The following GLIS1 variants were observed in gnomAD, a reference collection of about 807,000 sequenced individuals.
The protein encoded by GLIS1 is GLIS family zinc finger 1.
In GLIS1, 24 loss-of-function variants were observed where a neutral mutation model predicts 63.8. The ratio of observed to expected loss-of-function variants is 0.38; its 90% CI spans 0.27 to 0.53. The LOEUF is 0.53. GLIS1 is among the 20% of genes least tolerant of loss of function. GLIS1 has a pLI of 0.85. For synonymous variants in GLIS1, 450 were observed against 482.5 expected, an observed-to-expected ratio of 0.93 and a Z score of 0.88; for missense variants, 1,036 against 1,074.1, an observed-to-expected ratio of 0.96 and a Z score of 0.50.
intron 2 of GLIS1, among the ~76,000 whole-genome samples, chr1:53,609,763 T>A (rs1449798045): frequency 3.3e-5 from 5 of 152,214 alleles, no homozygotes; most frequent in Non-Finnish European, 7.4e-5. Context: ...ATTAGATGAT[T>A]TCATTGCTGT....
intron 4 of GLIS1, among the ~76,000 whole-genome samples, chr1:53,568,810 C>G (rs566027286): frequency 6.6e-6 from 1 of 152,204 alleles, no homozygotes; most frequent in South Asian, 2.1e-4. Context: ...CTCCCAGTCA[C>G]GCTTCCTGTT....
intron 4 of GLIS1, 86 bp downstream of exon 4, chr1:53,594,022 C>T (rs879484510): frequency 5.5e-6 from 8 of 1,442,936 alleles, no homozygotes; most frequent in Non-Finnish European, 7.4e-6. Flanking sequence ...AGGACGGAGT[C>T]CCAGGCGGCC....
At position 53,511,865 on chromosome 1, in the gene GLIS1, C is replaced by A. The variant is rs1021883732; in HGVS notation, c.1884-1838G>T. On this transcript the variant is annotated intron_variant, in intron 8 of 10. Coordinates refer to ENST00000628545, the MANE Select transcript of GLIS1 (RefSeq NM_001367484.1). The surrounding 1 kb of genome is among the most constrained non-coding windows in gnomAD (Gnocchi z 4.2). ...CCCCATCCCATCTGGGCACCCACAA[C>A]CCAGCCCTCCCCTGGTTTCCTGAAG... 7.2e-5 allele frequency among the ~76,000 whole-genome samples: 11 copies of A among 152,196 alleles called. No individual in the cohort carries two copies. The highest frequency in any genetic ancestry group is 2.7e-4 in the African/African-American group (11 of 41,458).
intron 2 of GLIS1, among the ~76,000 whole-genome samples, chr1:53,609,296 T>TTTTTAC (rs1645402714): frequency 8.3e-6 from 1 of 120,122 alleles, no homozygotes. Flanking sequence ...TTTTTTGAGA[T>TTTTTAC]GCAGTCTCAC....
chr1:53,514,513 AT>A, intron 8 of GLIS1, 111 bp downstream of exon 8: 1 of 1,107,188 alleles, frequency 9.0e-7, no homozygotes, highest in Non-Finnish European at 1.3e-6. Context: ...AAGGTTGGCT[AT>A]TTTCATTATC....
At chr1:53,555,901 T>C in intron 4 of GLIS1, among the ~76,000 whole-genome samples, 1 of 145,218 alleles carries the variant, frequency 6.9e-6, no homozygotes, top group East Asian at 2.1e-4. Context: ...TGTGCAGGTG[T>C]ACTGCAGGTG....
intron 3 of GLIS1, among the ~76,000 whole-genome samples, chr1:53,597,482 C>T (rs1282625540): frequency 1.3e-5 from 2 of 151,590 alleles, no homozygotes; most frequent in Admixed American, 6.6e-5. Flanking sequence ...GGACTGAATA[C>T]AAGAATGTGC....
intron 2 of GLIS1, among the ~76,000 whole-genome samples, chr1:53,675,385 G>T (rs963564142): frequency 6.6e-6 from 1 of 152,178 alleles, no homozygotes. Context: ...AGCAGGGTCT[G>T]ATGGTGAAGC....
intron 10 of GLIS1, among the ~76,000 whole-genome samples, chr1:53,508,534 T>C (rs887928039): frequency 1.3e-4 from 20 of 152,282 alleles, no homozygotes; most frequent in Admixed American, 8.5e-4. Flanking sequence ...CTGATGCCCC[T>C]GCTCTGACTA....
intron 2 of GLIS1, among the ~76,000 whole-genome samples, chr1:53,610,174 T>G (rs1409559809): frequency 1.3e-5 from 2 of 152,272 alleles, no homozygotes; most frequent in African/African-American, 4.8e-5. Flanking sequence ...TCTACATATA[T>G]TTTTAAATCG....
At chr1:53,559,455 C>T (rs1287523962) in intron 4 of GLIS1, among the ~76,000 whole-genome samples, 1 of 152,198 alleles carries the variant, frequency 6.6e-6, no homozygotes, top group Non-Finnish European at 1.5e-5. Flanking sequence ...GTCCCTCAGC[C>T]CTCGTGCCCA....
chr1:53,708,543 G>A (rs1472657535), intron 2 of GLIS1, among the ~76,000 whole-genome samples: 2 of 152,130 alleles, frequency 1.3e-5, no homozygotes, highest in Non-Finnish European at 2.9e-5. Context: ...TTCATTTGGT[G>A]GTTCTGGGAC....
Position 53,509,958 on chromosome 1 carries a change from T to C in GLIS1, c.1953A>G (p.Pro651=). 7.7e-7 allele frequency: 1 copy of C among 1,299,802 alleles called. No individual in the cohort carries two copies. The highest frequency in any genetic ancestry group is 3.4e-5 in the South Asian group (1 of 29,200). The allele number at this position is 1,299,802 out of a possible 1,614,324, so 80.5% of individuals were successfully genotyped here. Residue 651 remains proline, a synonymous_variant, in exon 9 of 11, where the codon CCA becomes CCG. Coordinates refer to ENST00000628545, the MANE Select transcript of GLIS1 (RefSeq NM_001367484.1). ...CCCCCGGAGAATGGCTCTGAGAGGA[T>C]GGGGGCAGCGGCGGTGGCCCCAGCC... ...LKGLGPPPLP[P]SSQSHSPGGQ...
At chr1:53,554,217 G>A (rs1470627463) in intron 4 of GLIS1, among the ~76,000 whole-genome samples, 1 of 152,182 alleles carries the variant, frequency 6.6e-6, no homozygotes, top group African/African-American at 2.4e-5. Context: ...CCCAAACAAC[G>A]GAGACAGGGC....
At position 53,594,191 on chromosome 1, in the gene GLIS1, G is replaced by A. The variant is rs1344059373; in HGVS notation, c.1237C>T (p.Arg413Cys). Reference sequence around the variant, plus strand: ...CGGGCGTTGAAGGGCTTGTAGCGGCGCACGCAGCCAGCCCAGAAGCAGGTG... The same window carrying A: ...CGGGCGTTGAAGGGCTTGTAGCGGCACACGCAGCCAGCCCAGAAGCAGGTG... ...DFTCFWAGCV[R>C]RYKPFNARYK... Residue 413 changes from arginine to cysteine, a missense_variant, in exon 4 of 11, where the codon CGC (arginine) becomes TGC (cysteine). Around this residue, in one of 3 missense-constraint regions of GLIS1, gnomAD observed 592 missense variants for 593.9 expected, o/e 1.00. Transcript: ENST00000628545. 6.2e-7 allele frequency: 1 copy of A among 1,613,864 alleles called. No individual in the cohort carries two copies.
intron 2 of GLIS1, among the ~76,000 whole-genome samples, chr1:53,730,130 G>A (rs749963755): frequency 5.3e-5 from 8 of 152,068 alleles, no homozygotes; most frequent in Non-Finnish European, 7.4e-5. Context: ...GTGACTCCGC[G>A]GAGGCCTATT....
chr1:53,592,784 A>G lies in GLIS1; in HGVS notation c.1320+1324T>C, dbSNP rs1645205163. ...CTCCCTCCTCCTGCCTCCCCTTGGC[A>G]CAGGCCATTCACTGCTGCTCACTTG... On this transcript the variant is annotated intron_variant, in intron 4 of 10. Transcript: ENST00000628545. 2.6e-5 allele frequency among the ~76,000 whole-genome samples: 4 copies of G among 152,228 alleles called. No homozygotes were observed. In the South Asian group the frequency reaches 8.3e-4, roughly 32 times the overall value.
In GLIS1 at chr1:53,511,189, G is replaced by A. The variant is rs1644294912; in HGVS notation, c.1884-1162C>T. On this transcript the variant is annotated intron_variant, in intron 8 of 10. Transcript: ENST00000628545. This position sits in a 1 kb window ranked among gnomAD's most constrained non-coding sequence, Gnocchi z 4.2. The stretch of plus-strand genomic sequence containing the variant: ...AGAAAGAGGGAGATAGTGAGAGCTC[G>A]GAGTCCCCATTTTCTTGTCTGGATT... 6.6e-6 allele frequency among the ~76,000 whole-genome samples: 1 copy of A among 152,142 alleles called. No individual in the cohort carries two copies. The highest frequency in any genetic ancestry group is 2.1e-4 in the South Asian group (1 of 4,826).
Position 53,600,204 on chromosome 1 carries a change from C to T in GLIS1, c.334G>A (p.Gly112Ser), listed in dbSNP as rs1645302077. The change falls in exon 3 of 11, where the codon GGC becomes AGC. Residue 112 changes from glycine (G) to serine (S), a missense_variant. By Grantham distance (56) the Gly-to-Ser change is moderately conservative. Coordinates refer to ENST00000628545, the MANE Select transcript of GLIS1 (RefSeq NM_001367484.1). ...AACAGGCCCTGGCAGCAGGTGGGGC[C>T]AGGGCCCTCAGCAAGGTCCAGGTCC... ...LLDLDLAEGP[G>S]PTCCQGLFLP... 2 of 1,232,008 alleles carry T rather than the reference C, an allele frequency of 1.6e-6. No homozygotes were observed. Among genetic ancestry groups the T allele is most frequent in the African/African-American group, 3.1e-5 (2 of 64,390 alleles). The allele number at this position is 1,232,008 out of a possible 1,614,324, so 76.3% of individuals were successfully genotyped here.
Sources: gnomAD v4.1 joint callset for allele counts (sites outside exome capture counted in the v4.1 genomes callset) on GRCh38, gnomAD v4.1.1 for gene constraint, gnomAD v4.1.1 regional missense constraint, Gnocchi (gnomAD v3.1) non-coding constraint, MANE v1.5 for transcripts, NCBI Gene and HGNC (gene_info 2026-07-23, HGNC 2026-07-21) for gene names.